Variants in DZANK1 observed in about 807,000 individuals in gnomAD.
DZANK1 encodes the protein double zinc ribbon and ankyrin repeat-containing protein 1.
DZANK1 carries 91 observed loss-of-function variants against 94.5 expected under a neutral mutation model. The observed-to-expected ratio is 0.96, with a 90% CI of 0.81 to 1.15. DZANK1 has a LOEUF of 1.15. Ranked by LOEUF, DZANK1 falls within the 50% of genes most tolerant of loss-of-function variation. The probability of loss-of-function intolerance (pLI) is 0.00; values close to 1 mark genes in which losing one functional copy is unlikely to be tolerated. For synonymous variants in DZANK1, 312 were observed against 325.3 expected (o/e 0.96, Z 0.44); for missense variants, 903 against 916.4 (o/e 0.99, Z 0.19).
chr20:18,458,787 GA>G (rs1568553943), intron 3 of DZANK1, among the ~76,000 whole-genome samples: 1 of 152,196 alleles, frequency 6.6e-6, no homozygotes, highest in Non-Finnish European at 1.5e-5. Flanking sequence ...CACATGAGTA[GA>G]GGCCTGGCTC....
At chr20:18,412,949 T>C in intron 12 of DZANK1, 96 bp from the exon 13 acceptor site, 1 of 1,157,846 alleles carries the variant, frequency 8.6e-7, no homozygotes, top group Non-Finnish European at 1.2e-6. Flanking sequence ...GAATAAAAAG[T>C]ATCTCAAGAA....
At chr20:18,425,349 G>A (rs2057990850) in intron 10 of DZANK1, among the ~76,000 whole-genome samples, 1 of 152,120 alleles carries the variant, frequency 6.6e-6, no homozygotes, top group Admixed American at 6.5e-5. Context: ...TCAGGCGTTT[G>A]AGACTAGCCT....
chr20:18,415,917 G>A lies in DZANK1; in HGVS notation c.955-468C>T, dbSNP rs2057469191. 2.0e-5 allele frequency among the ~76,000 whole-genome samples: 3 copies of A among 152,196 alleles called. No individual in the cohort carries two copies. The South Asian group carries it at 6.2e-4, about 32-fold the overall frequency. On this transcript the variant is annotated intron_variant, in intron 10 of 20. Transcript: ENST00000262547. ...ACAATTATTTTATATTGGGGACAGAGGCAGAATTGTTTTGTGAGAATTCCT... is the reference window on the plus strand; with the variant it reads ...ACAATTATTTTATATTGGGGACAGAAGCAGAATTGTTTTGTGAGAATTCCT...
At position 18,391,896 on chromosome 20, in the gene DZANK1, C is replaced by T. The variant is rs148979858; in HGVS notation, c.1810-1437G>A. 1.4e-4 allele frequency among the ~76,000 whole-genome samples: 22 copies of T among 152,356 alleles called. No individual in the cohort carries two copies. In the East Asian group the frequency reaches 3.7e-3, roughly 25 times the overall value. ...CCAAGTACTCTAATCAGTAAACCCC[C>T]AGCAGGGGTCTTGGGGAGCACTTGT... On this transcript the variant is annotated intron_variant, in intron 17 of 20. Transcript: ENST00000262547.
At chr20:18,395,622 C>A (rs1265615858) in intron 15 of DZANK1, among the ~76,000 whole-genome samples, 1 of 152,154 alleles carries the variant, frequency 6.6e-6, no homozygotes, top group Non-Finnish European at 1.5e-5. Context: ...CTTGCCTCAA[C>A]TGGGGACAAC....
chr20:18,451,740 G>A (rs2059108916), intron 6 of DZANK1: 4 of 419,644 alleles, frequency 9.5e-6, no homozygotes, highest in Non-Finnish European at 1.4e-5. Flanking sequence ...GACAAACCCT[G>A]AGAGGCAGAC....
chr20:18,451,882 C>T (rs1400761675), intron 6 of DZANK1: 5 of 518,744 alleles, frequency 9.6e-6, no homozygotes, highest in South Asian at 7.0e-5. Context: ...AAATAATGTT[C>T]TCCCTTTCCT....
intron 13 of DZANK1, among the ~76,000 whole-genome samples, chr20:18,409,995 C>T (rs930944926): frequency 2.4e-4 from 35 of 144,058 alleles, no homozygotes; most frequent in Non-Finnish European, 3.6e-4. Flanking sequence ...ATCACGCCAC[C>T]GCACTCCAGC....
At chr20:18,421,664 C>A (rs1470536570) in intron 10 of DZANK1, among the ~76,000 whole-genome samples, 1 of 152,146 alleles carries the variant, frequency 6.6e-6, no homozygotes, top group East Asian at 1.9e-4. Flanking sequence ...TGCACTTATT[C>A]CAAGTACTTT....
At chr20:18,434,310 C>T (rs1280246119) in intron 8 of DZANK1, among the ~76,000 whole-genome samples, 1 of 151,796 alleles carries the variant, frequency 6.6e-6, no homozygotes, top group Non-Finnish European at 1.5e-5. Flanking sequence ...TTTGGGAGGC[C>T]GAGGTGGGTG....
intron 7 of DZANK1, among the ~76,000 whole-genome samples, chr20:18,448,537 T>C (rs887778650): frequency 2.6e-5 from 4 of 152,146 alleles, no homozygotes; most frequent in Non-Finnish European, 5.9e-5. Context: ...AGTTATTGTA[T>C]GTCAATTATA....
intron 13 of DZANK1, among the ~76,000 whole-genome samples, chr20:18,399,058 G>A (rs933571198): frequency 1.3e-5 from 2 of 151,374 alleles, no homozygotes; most frequent in Admixed American, 6.6e-5. Flanking sequence ...CACATGAGGC[G>A]GAGGTTGCAA....
chr20:18,455,724 T>C (rs913039685), intron 3 of DZANK1, among the ~76,000 whole-genome samples: 3 of 152,192 alleles, frequency 2.0e-5, no homozygotes, highest in Non-Finnish European at 4.4e-5. Flanking sequence ...CTCTCAAATA[T>C]GCAAAGCCTG....
At position 18,409,495 on chromosome 20, in the gene DZANK1, G is replaced by A. The variant is rs1380455078; in HGVS notation, c.1432+3151C>T. On this transcript the variant is annotated intron_variant, in intron 13 of 20. Transcript: ENST00000262547. ...CATTGCTAGCAAATCTACCTTATAA[G>A]AATACTTATGAAGTTCTTTAGGCTG... Among the ~76,000 whole-genome samples the A allele has an allele frequency of 3.3e-5, 5 of 150,252 alleles. No individual in the cohort carries two copies. In the East Asian group the frequency reaches 9.7e-4, roughly 29 times the overall value.
intron 12 of DZANK1, among the ~76,000 whole-genome samples, chr20:18,413,513 G>T (rs1353462300): frequency 1.3e-5 from 2 of 152,168 alleles, no homozygotes; most frequent in African/African-American, 4.8e-5. Flanking sequence ...TGGGCATGGT[G>T]GCTCATGCCT....
At chr20:18,396,012 G>A (rs2148249245) in intron 15 of DZANK1, among the ~76,000 whole-genome samples, 1 of 152,164 alleles carries the variant, frequency 6.6e-6, no homozygotes, top group East Asian at 1.9e-4. Context: ...CTGACTTTTT[G>A]TCCAGTGAAA....
chr20:18,404,831 G>A (rs761206106), intron 13 of DZANK1, among the ~76,000 whole-genome samples: 185 of 152,010 alleles, frequency 1.2e-3, no homozygotes, highest in Non-Finnish European at 2.2e-3. Flanking sequence ...AAGATCTCTT[G>A]AGCCCAAGAT....
intron 13 of DZANK1, among the ~76,000 whole-genome samples, chr20:18,409,839 GC>G (rs1250521254): frequency 6.6e-5 from 10 of 152,118 alleles, no homozygotes; most frequent in Admixed American, 6.5e-4. Context: ...GGAGGCCAAG[GC>G]GGGTGGATCA....
At chr20:18,437,463 C>T in intron 8 of DZANK1, among the ~76,000 whole-genome samples, 1 of 152,064 alleles carries the variant, frequency 6.6e-6, no homozygotes, top group East Asian at 1.9e-4. Context: ...CCTGTAATCC[C>T]AGCAACTCAG....
Sources: gnomAD v4.1 joint callset for allele counts (sites outside exome capture counted in the v4.1 genomes callset) on GRCh38, gnomAD v4.1.1 for gene constraint, MANE v1.5 for transcripts, NCBI Gene and HGNC (gene_info 2026-07-23, HGNC 2026-07-21) for gene names.